The following KCNJ15 variants were observed in gnomAD, a reference collection of about 807,000 sequenced individuals.
KCNJ15 encodes ATP-sensitive inward rectifier potassium channel 15.
KCNJ15 carries 14 observed loss-of-function variants against 23.0 expected under a neutral mutation model. That is an observed-to-expected ratio of 0.61 (90% CI 0.40 to 0.95). The LOEUF is 0.95. Ranked by LOEUF, KCNJ15 falls within the 40% of genes least tolerant of loss-of-function variation. The pLI is 0.00. For missense variants in KCNJ15, 388 were observed against 461.8 expected, an observed-to-expected ratio of 0.84 and a Z score of 1.46; for synonymous variants, 185 against 183.2, an observed-to-expected ratio of 1.01 and a Z score of -0.08.
intron 1 of KCNJ15, among the ~76,000 whole-genome samples, chr21:38,246,762 T>G (rs1304609249): frequency 6.6e-6 from 1 of 152,196 alleles, no homozygotes; most frequent in Non-Finnish European, 1.5e-5. Context: ...AGTGTGTGTG[T>G]GGGTTAAAGG....
chr21:38,263,153 A>T (rs908815392), intron 1 of KCNJ15, among the ~76,000 whole-genome samples: 5 of 152,112 alleles, frequency 3.3e-5, no homozygotes, highest in Non-Finnish European at 4.4e-5. Flanking sequence ...AGCTGCTTTG[A>T]GGAGGGAAGG....
chr21:38,237,299 A>T (rs943406095), intron 1 of KCNJ15: 1 of 152,238 alleles, frequency 6.6e-6, no homozygotes, highest in South Asian at 2.1e-4. Context: ...CTTGGCGTTT[A>T]TTGTGGGTAG....
chr21:38,275,519 C>CAAAAAAAAAAAAAAAA (rs10709944), intron 1 of KCNJ15, among the ~76,000 whole-genome samples: 1 of 88,120 alleles, frequency 1.1e-5, no homozygotes, highest in African/African-American at 4.8e-5. Context: ...GAAACTCCGT[C>CAAAAAAAAAAAAAAAA]AAAAAAAAAA....
At chr21:38,237,526 C>G (rs1424193046) in intron 1 of KCNJ15, 2 of 152,314 alleles carry the variant, frequency 1.3e-5, no homozygotes, top group Non-Finnish European at 1.5e-5. Flanking sequence ...CTCCTGGCAT[C>G]TTACAGCAGG....
chr21:38,244,688 A>G (rs1043501420), intron 1 of KCNJ15, among the ~76,000 whole-genome samples: 1 of 152,102 alleles, frequency 6.6e-6, no homozygotes, highest in South Asian at 2.1e-4. Flanking sequence ...CTCTGGTTCC[A>G]TCTTAGTCCC....
Position 38,305,091 on chromosome 21 carries a change from AAAAAAAG to A in KCNJ15, c.*4708_*4714del. 6.7e-6 allele frequency: 1 copy of A among 150,252 alleles called. No individual in the cohort carries two copies. Among genetic ancestry groups the A allele is most frequent in the African/African-American group, 2.5e-5 (1 of 40,578 alleles). 9.3% of individuals were successfully genotyped at this position (150,252 alleles called of 1,614,324 possible). A position where few individuals can be genotyped will look rare whatever the true frequency, so the allele number is the denominator to read the frequency against. The stretch of plus-strand genomic sequence containing the variant: ...GTAAAACTCCGTCTCAAAAAAAAAA[AAAAAAAG>A]AAAAAGAAAAAGAAAAGAAAAGAAA... On this transcript the variant is annotated 3_prime_UTR_variant, in exon 3 of 3. Transcript: ENST00000398938.
At chr21:38,248,195 C>A (rs1367266951) in intron 1 of KCNJ15, among the ~76,000 whole-genome samples, 2 of 152,186 alleles carry the variant, frequency 1.3e-5, no homozygotes, top group Non-Finnish European at 2.9e-5. Flanking sequence ...ATAAGCACTT[C>A]ATCAACAAAT....
intron 1 of KCNJ15, among the ~76,000 whole-genome samples, chr21:38,257,809 A>G (rs1980422962): frequency 6.6e-6 from 1 of 152,218 alleles, no homozygotes; most frequent in Non-Finnish European, 1.5e-5. Context: ...TCCTCAGCTA[A>G]TAAATGTTAT....
At chr21:38,293,277 GGCAAGCCA>G (rs1984807212) in intron 1 of KCNJ15, among the ~76,000 whole-genome samples, 1 of 152,108 alleles carries the variant, frequency 6.6e-6, no homozygotes, top group Non-Finnish European at 1.5e-5. Context: ...CCACATGCAA[GGCAAGCCA>G]TGTGATGATC....
At chr21:38,288,599 T>G (rs926968465) in intron 1 of KCNJ15, among the ~76,000 whole-genome samples, 1 of 152,174 alleles carries the variant, frequency 6.6e-6, no homozygotes, top group Non-Finnish European at 1.5e-5. Flanking sequence ...AAAACATACT[T>G]TCTATGTTTC....
intron 1 of KCNJ15, among the ~76,000 whole-genome samples, chr21:38,277,917 C>T (rs1982898740): frequency 6.6e-6 from 1 of 152,296 alleles, no homozygotes; most frequent in African/African-American, 2.4e-5. Flanking sequence ...TTTTCTGGAG[C>T]ATCTACCACA....
chr21:38,286,067 C>G (rs1983860067), intron 1 of KCNJ15, among the ~76,000 whole-genome samples: 1 of 152,118 alleles, frequency 6.6e-6, no homozygotes, highest in Non-Finnish European at 1.5e-5. Flanking sequence ...CACGGTGAAA[C>G]CTCGTCTCTA....
chr21:38,286,608 G>A (rs139813757), intron 1 of KCNJ15, among the ~76,000 whole-genome samples: 2 of 152,342 alleles, frequency 1.3e-5, no homozygotes, highest in East Asian at 3.9e-4. Context: ...CATGTCAAGA[G>A]ATTGTGTACG....
upstream of KCNJ15, among the ~76,000 whole-genome samples, chr21:38,253,322 A>G (rs1458688136): frequency 1.3e-5 from 2 of 152,212 alleles, no homozygotes; most frequent in Non-Finnish European, 2.9e-5. Flanking sequence ...TTCTTGCTAG[A>G]AAGACCCAAA....
rs538866419 is a variant in KCNJ15, at chr21:38,299,704, C to T, written c.443C>T (p.Ala148Val). 6.2e-7 allele frequency: 1 copy of T among 1,614,102 alleles called. No individual in the cohort carries two copies. The highest frequency in any genetic ancestry group is 1.1e-5 in the South Asian group (1 of 91,068). The change falls in exon 3 of 3, where the codon GCT (alanine) becomes GTT (valine). Residue 148 changes from alanine to valine, a missense_variant. Transcript: ENST00000398938. This position sits in a 1 kb window ranked among gnomAD's most constrained non-coding sequence, Gnocchi z 4.5. The part of the protein sequence containing the change: ...ECPHAIFLLV[A>V]QLVITTLIEI... ...CCTCATGCCATCTTCCTGTTGGTTG[C>T]TCAGTTGGTCATCACGACCTTGATT...
At chr21:38,253,062 G>A (rs562678039), upstream of KCNJ15, among the ~76,000 whole-genome samples, 1 of 152,240 alleles carries the variant, frequency 6.6e-6, no homozygotes, top group South Asian at 2.1e-4. Flanking sequence ...TGAAAGCCCA[G>A]CTCTCTTACC....
chr21:38,299,380 T>C lies in KCNJ15; in HGVS notation c.119T>C (p.Ile40Thr). Residue 40 changes from isoleucine to threonine, a missense_variant, in exon 3 of 3, where the codon ATT becomes ACT. Ile to Thr is a moderately conservative substitution (Grantham distance 89). Coordinates refer to ENST00000398938, the MANE Select transcript of KCNJ15 (RefSeq NM_170736.3). This position sits in a 1 kb window ranked among gnomAD's most constrained non-coding sequence, Gnocchi z 4.5. ...AAGAGTGGGCACAGCAACGTGAGAA[T>C]TGACAAAGTGGATGGCATATACCTA... ...MSKSGHSNVR[I>T]DKVDGIYLLY... 19 of 1,614,184 alleles carry C rather than the reference T, an allele frequency of 1.2e-5. No individual in the cohort carries two copies. Among genetic ancestry groups the C allele is most frequent in the Non-Finnish European group, 1.6e-5 (19 of 1,180,014 alleles).
chr21:38,277,420 A>G (rs1261157527), intron 1 of KCNJ15, among the ~76,000 whole-genome samples: 1 of 152,214 alleles, frequency 6.6e-6, no homozygotes, highest in Non-Finnish European at 1.5e-5. Context: ...GTCAAATTAA[A>G]TGAATGAGGA....
At chr21:38,239,403 G>GGACT (rs1255011001) in intron 1 of KCNJ15, among the ~76,000 whole-genome samples, 1 of 152,190 alleles carries the variant, frequency 6.6e-6, no homozygotes, top group Non-Finnish European at 1.5e-5. Context: ...GCAGTCTAGA[G>GGACT]GACTCCCTTG....
Sources: allele counts gnomAD v4.1 joint callset (sites outside exome capture counted in the v4.1 genomes callset), GRCh38; gene constraint gnomAD v4.1.1; non-coding constraint Gnocchi (gnomAD v3.1); transcripts MANE v1.5; gene names NCBI Gene and HGNC (gene_info 2026-07-23, HGNC 2026-07-21).